The following ANKRD30B variants were observed in gnomAD, a reference collection of about 807,000 sequenced individuals.
ANKRD30B encodes ankyrin repeat domain 30B, also known as ankyrin repeat domain-containing protein 30B.
Under a neutral mutation model 202.2 loss-of-function variants are expected in ANKRD30B, and 144 were observed. The observed-to-expected ratio is 0.71, with a 90% CI of 0.62 to 0.82. The LOEUF (loss-of-function observed/expected upper bound fraction) is 0.82. ANKRD30B is among the 40% of genes least tolerant of loss of function. The pLI is 0.00. For missense variants in ANKRD30B, 1,487 were observed against 1,669.1 expected (o/e 0.89, Z 1.90); for synonymous variants, 508 against 561.3 (o/e 0.91, Z 1.34).
the ANKRD30B span, among the ~76,000 whole-genome samples, chr18:14,868,847 G>A: frequency 3.7e-4 from 57 of 152,410 alleles, no homozygotes; most frequent in African/African-American, 1.2e-3. Context: ...TGCTGCTCAG[G>A]AGGGCTTCTA....
chr18:14,898,469 C>T, the ANKRD30B span, among the ~76,000 whole-genome samples: 1 of 152,130 alleles, frequency 6.6e-6, no homozygotes, highest in African/African-American at 2.4e-5. Flanking sequence ...CTTGCTTACC[C>T]ACCACTCACC....
chr18:14,754,750 C>A, intron 3 of ANKRD30B, 149 bp from the exon 4 acceptor site: 1 of 501,928 alleles, frequency 2.0e-6, no homozygotes, highest in Non-Finnish European at 3.4e-6. Flanking sequence ...TGGGAAAGCA[C>A]AGAAAAAGGA....
rs944113980 is a variant in ANKRD30B at position 14,837,601 on chromosome 18, A to G, written c.2927-14A>G. The G allele has an allele frequency of 1.3e-6, 2 of 1,513,126 alleles. No homozygotes were observed. 93.7% of individuals were successfully genotyped at this position (1,513,126 alleles called of 1,614,324 possible). ...AACATTCTCATATACATGTCTGTGA[A>G]TAACATTTTGTAGATAAGATGCCCA... On this transcript the variant is annotated splice_polypyrimidine_tract_variant and intron_variant, in intron 35 of 43. Transcript: ENST00000690538.
intron 30 of ANKRD30B, among the ~76,000 whole-genome samples, chr18:14,820,887 T>G (rs1970379759): frequency 6.6e-6 from 1 of 152,220 alleles, no homozygotes; most frequent in South Asian, 2.1e-4. Context: ...TAAAATGAGT[T>G]AGGGAGGATT....
At chr18:14,783,380 G>T (rs1313816345) in intron 12 of ANKRD30B, among the ~76,000 whole-genome samples, 1 of 152,198 alleles carries the variant, frequency 6.6e-6, no homozygotes, top group African/African-American at 2.4e-5. Flanking sequence ...GTGCTCATTA[G>T]GTTTCTATGT....
In ANKRD30B at chr18:14,815,377, C is replaced by T. The variant is rs570638661; in HGVS notation, c.2641+666C>T. On this transcript the variant is annotated intron_variant, in intron 30 of 43. Coordinates refer to ENST00000690538, the MANE Select transcript of ANKRD30B (RefSeq NM_001367607.2). ...GTCTGAAAACCTTGTTAACAATTCA[C>T]ACTGTGATTCAGCCGACTAGGGATT... is the stretch of plus-strand genomic sequence containing the variant. 7.5e-3 allele frequency among the ~76,000 whole-genome samples: 1,131 copies of T among 151,492 alleles called. 16 individuals carry two copies. Among genetic ancestry groups the T allele is most frequent in the African/African-American group, 0.026 (1,079 of 41,248 alleles).
At position 14,807,357 on chromosome 18, in the gene ANKRD30B, G is replaced by A. The variant is rs1030836396; in HGVS notation, c.2285-1194G>A. Among the ~76,000 whole-genome samples, 17 of 150,684 alleles carry A rather than the reference G, an allele frequency of 1.1e-4. 1 individual carries two copies. The highest frequency in any genetic ancestry group is 5.8e-4 in the East Asian group (3 of 5,186). On this transcript the variant is annotated intron_variant, in intron 24 of 43. Transcript: ENST00000690538. ...TTTCATAACAGTGGTTTAACAACTC[G>A]CATGGTATAACAAATAGAATTAGTT...
At chr18:14,786,404 A>C (rs994283120) in intron 14 of ANKRD30B, among the ~76,000 whole-genome samples, 1 of 152,188 alleles carries the variant, frequency 6.6e-6, no homozygotes, top group Non-Finnish European at 1.5e-5. Flanking sequence ...ATATTGTTGC[A>C]TTAGGGAAGC....
At chr18:14,892,168 A>G in the ANKRD30B span, among the ~76,000 whole-genome samples, 1 of 152,164 alleles carries the variant, frequency 6.6e-6, no homozygotes, top group South Asian at 2.1e-4. Context: ...TATTTAATAT[A>G]TTTTCTTTTA....
chr18:14,773,390 T>C (rs1241888338), intron 9 of ANKRD30B, among the ~76,000 whole-genome samples: 12 of 152,116 alleles, frequency 7.9e-5, no homozygotes, highest in African/African-American at 2.7e-4. Flanking sequence ...TGTGAATAAA[T>C]AAGCTGACAA....
intron 3 of ANKRD30B, among the ~76,000 whole-genome samples, chr18:14,754,586 G>T (rs1914029950): frequency 1.3e-5 from 2 of 152,090 alleles, no homozygotes; most frequent in African/African-American, 4.8e-5. Flanking sequence ...TAGGGTTTAA[G>T]GATATAGAGA....
At chr18:14,890,295 GT>G in the ANKRD30B span, among the ~76,000 whole-genome samples, 1 of 151,812 alleles carries the variant, frequency 6.6e-6, no homozygotes. Context: ...CAAACTGACG[GT>G]TTTTTATTTT....
At chr18:14,777,954 A>G in intron 9 of ANKRD30B, 31 bp from the exon 10 acceptor site, 1 of 1,484,180 alleles carries the variant, frequency 6.7e-7, no homozygotes, top group Middle Eastern at 1.7e-4. Flanking sequence ...AAGGAAAAAG[A>G]CAAATTATTT....
At chr18:14,761,324 G>A (rs1177740777) in intron 6 of ANKRD30B, among the ~76,000 whole-genome samples, 8 of 152,170 alleles carry the variant, frequency 5.3e-5, no homozygotes, top group South Asian at 4.1e-4. Flanking sequence ...TAAGGAGTCA[G>A]CAGCCACAAC....
intron 34 of ANKRD30B, among the ~76,000 whole-genome samples, chr18:14,832,926 T>G (rs181342916): frequency 1.2e-4 from 18 of 152,260 alleles, no homozygotes; most frequent in Non-Finnish European, 1.8e-4. Context: ...TCTCAACTCA[T>G]GTTTTGTTTG....
the ANKRD30B span, among the ~76,000 whole-genome samples, chr18:14,918,779 G>A: frequency 6.6e-6 from 1 of 152,232 alleles, no homozygotes; most frequent in Non-Finnish European, 1.5e-5. Context: ...GAATGTTTGT[G>A]ACCCATTCAA....
At chr18:14,791,567 T>A (rs1312074003) in intron 16 of ANKRD30B, 76 bp downstream of exon 16, 2 of 1,184,464 alleles carry the variant, frequency 1.7e-6, no homozygotes, top group South Asian at 2.8e-5. Context: ...TATCCTCTAA[T>A]AGATGAAGAA....
chr18:14,847,747 A>G (rs1312774661), intron 39 of ANKRD30B, among the ~76,000 whole-genome samples: 2 of 151,648 alleles, frequency 1.3e-5, no homozygotes, highest in South Asian at 2.1e-4. Context: ...GGCCTTTCAG[A>G]CTATTCATTT....
chr18:14,851,446 C>G (rs1293590297), intron 41 of ANKRD30B, 63 bp from the exon 42 acceptor site: 2 of 1,431,304 alleles, frequency 1.4e-6, no homozygotes, highest in Non-Finnish European at 1.8e-6. Flanking sequence ...TCTTTAATTT[C>G]AGAGGAACTA....
Sources: gnomAD v4.1 joint callset for allele counts (sites outside exome capture counted in the v4.1 genomes callset) on GRCh38, gnomAD v4.1.1 for gene constraint, MANE v1.5 for transcripts, NCBI Gene and HGNC (gene_info 2026-07-23, HGNC 2026-07-21) for gene names.